Variants in SHROOM3 observed in about 807,000 individuals in gnomAD.
The protein encoded by SHROOM3 is protein Shroom3.
In SHROOM3, 47 loss-of-function variants were observed where a neutral mutation model predicts 138.6. The ratio of observed to expected loss-of-function variants is 0.34; its 90% CI spans 0.27 to 0.43. The LOEUF is 0.43. SHROOM3 is among the 20% of genes least tolerant of loss of function. The pLI, the probability that SHROOM3 is intolerant of heterozygous loss-of-function variation, is 1.00. For synonymous variants in SHROOM3, 1,062 were observed against 1,063.3 expected (o/e 1.00, Z 0.02); for missense variants, 2,491 against 2,596.5 (o/e 0.96, Z 0.88).
chr4:76,547,806 T>C (rs1176031386), intron 1 of SHROOM3, among the ~76,000 whole-genome samples: 4 of 152,050 alleles, frequency 2.6e-5, no homozygotes, highest in African/African-American at 9.7e-5. Context: ...AGCGTGCGCC[T>C]ATAGTCCCAG....
Position 76,739,103 on chromosome 4 carries a change from C to G in SHROOM3, c.930C>G (p.Val310=), listed in dbSNP as rs372730468. 2 of 1,614,092 alleles carry G rather than the reference C, an allele frequency of 1.2e-6. No individual in the cohort carries two copies. The highest frequency in any genetic ancestry group is 1.7e-6 in the Non-Finnish European group (2 of 1,180,038). The change falls in exon 5 of 11, where the codon GTC becomes GTG. Residue 310 remains valine, a synonymous_variant. Transcript: ENST00000296043. ...CAGATATTCGCTATGTCAAGACAGT[C>G]TATGACACCCGGAGGGGAGTCTCAG... The part of the protein sequence containing the change: ...RQADIRYVKT[V]YDTRRGVSAE...
intron 10 of SHROOM3, among the ~76,000 whole-genome samples, chr4:76,771,314 G>C (rs949871972): frequency 1.3e-5 from 2 of 151,540 alleles, no homozygotes; most frequent in African/African-American, 4.9e-5. Flanking sequence ...GGAGGCAGAG[G>C]TTGCAGTGAG....
intron 5 of SHROOM3, chr4:76,742,276 C>T (rs1721288678): frequency 5.8e-6 from 2 of 342,162 alleles, no homozygotes; most frequent in African/African-American, 4.3e-5. Flanking sequence ...GGATTAGAGT[C>T]TGGGTCTGAG....
At chr4:76,759,033 G>C (rs1387748371) in intron 8 of SHROOM3, among the ~76,000 whole-genome samples, 2 of 152,110 alleles carry the variant, frequency 1.3e-5, no homozygotes. Flanking sequence ...GGATTATATG[G>C]GATAGCAGGC....
At chr4:76,441,934 C>G (rs1730699749) in intron 1 of SHROOM3, among the ~76,000 whole-genome samples, 1 of 152,150 alleles carries the variant, frequency 6.6e-6, no homozygotes, top group African/African-American at 2.4e-5. Flanking sequence ...GTTGGTGAGG[C>G]TGGTCTCAAG....
At position 76,779,937 on chromosome 4, in the gene SHROOM3, G is replaced by A. The variant is rs1252641806; in HGVS notation, c.*760G>A. On this transcript the variant is annotated 3_prime_UTR_variant, in exon 11 of 11. Transcript: ENST00000296043. ...ACCTTCCCCAGGAGGAAGGCCTCAT[G>A]CACTGCGGTTATTGCATCATTTCCT... 5 of 152,592 alleles carry A rather than the reference G, an allele frequency of 3.3e-5. No homozygotes were observed. The highest frequency in any genetic ancestry group is 3.3e-4 in the Admixed American group (5 of 15,294). The allele number at this position is 152,592 out of a possible 1,614,324, so 9.5% of individuals were successfully genotyped here.
intron 2 of SHROOM3, among the ~76,000 whole-genome samples, chr4:76,702,400 G>A (rs1325526819): frequency 1.3e-5 from 2 of 152,080 alleles, no homozygotes; most frequent in East Asian, 1.9e-4. Context: ...TCAGTTCTAC[G>A]GGTAAAAATT....
intron 1 of SHROOM3, among the ~76,000 whole-genome samples, chr4:76,544,852 A>T (rs1342036017): frequency 6.6e-6 from 1 of 152,210 alleles, no homozygotes; most frequent in Non-Finnish European, 1.5e-5. Flanking sequence ...AAACTGCAGA[A>T]TCTGTTAGAG....
At chr4:76,478,700 G>C (rs1048659765) in intron 1 of SHROOM3, among the ~76,000 whole-genome samples, 1 of 152,186 alleles carries the variant, frequency 6.6e-6, no homozygotes, top group Non-Finnish European at 1.5e-5. Context: ...CCTCCCAGTA[G>C]GGGATGACAG....
chr4:76,472,699 CTT>C (rs11349509), intron 1 of SHROOM3, among the ~76,000 whole-genome samples: 79 of 147,288 alleles, frequency 5.4e-4, no homozygotes, highest in Admixed American at 1.3e-3. Flanking sequence ...TTCTTTCTTT[CTT>C]TTTTTTTTTT....
At chr4:76,510,887 A>G (rs4604077) in intron 1 of SHROOM3, among the ~76,000 whole-genome samples, 1 of 151,894 alleles carries the variant, frequency 6.6e-6, no homozygotes, top group Non-Finnish European at 1.5e-5. Context: ...TGGCTCTAAA[A>G]TGTTCATTTC....
chr4:76,517,518 TG>T (rs1732468003), intron 1 of SHROOM3, among the ~76,000 whole-genome samples: 1 of 152,066 alleles, frequency 6.6e-6, no homozygotes, highest in African/African-American at 2.4e-5. Context: ...TTTTTTGACA[TG>T]ATGTGCTAGA....
intron 1 of SHROOM3, among the ~76,000 whole-genome samples, chr4:76,485,616 G>T (rs975236213): frequency 2.6e-5 from 4 of 152,110 alleles, no homozygotes; most frequent in African/African-American, 9.7e-5. Flanking sequence ...ACTATTAAAG[G>T]CAGCGCCTTT....
intron 1 of SHROOM3, among the ~76,000 whole-genome samples, chr4:76,476,091 G>A (rs1397052822): frequency 6.6e-6 from 1 of 152,232 alleles, no homozygotes; most frequent in Non-Finnish European, 1.5e-5. Flanking sequence ...AACACAATGT[G>A]AGGGCAATTG....
chr4:76,483,333 G>A (rs938135005), intron 1 of SHROOM3, among the ~76,000 whole-genome samples: 33 of 152,176 alleles, frequency 2.2e-4, no homozygotes, highest in Middle Eastern at 6.8e-3. Flanking sequence ...AAAAGTGAGC[G>A]AAGCATATGA....
chr4:76,774,937 CATTTT>C (rs757084810), intron 10 of SHROOM3, among the ~76,000 whole-genome samples: 1 of 151,776 alleles, frequency 6.6e-6, no homozygotes, highest in Non-Finnish European at 1.5e-5. Flanking sequence ...GATTGATTTT[CATTTT>C]AATTTTCCAC....
chr4:76,646,247 T>TATATATATATATATATATATATATATAA (rs1355216659), intron 2 of SHROOM3, among the ~76,000 whole-genome samples: 7 of 140,630 alleles, frequency 5.0e-5, no homozygotes, highest in Non-Finnish European at 7.8e-5. Flanking sequence ...TATATATATA[T>TATATATATATATATATATATATATATAA]AAAATTAAAA....
At chr4:76,731,792 AAAC>A (rs1720895029) in intron 4 of SHROOM3, among the ~76,000 whole-genome samples, 9 of 91,792 alleles carry the variant, frequency 9.8e-5, no homozygotes, top group African/African-American at 9.8e-5. Flanking sequence ...AAAAAAAAAC[AAAC>A]AAACAAACAA....
chr4:76,719,202 T>A (rs896795214), intron 3 of SHROOM3, among the ~76,000 whole-genome samples: 1 of 152,242 alleles, frequency 6.6e-6, no homozygotes, highest in African/African-American at 2.4e-5. Flanking sequence ...CATGACAGTC[T>A]TGGGGGTGTT....
Sources: gnomAD v4.1 joint callset for allele counts (sites outside exome capture counted in the v4.1 genomes callset) on GRCh38, gnomAD v4.1.1 for gene constraint, MANE v1.5 for transcripts, NCBI Gene and HGNC (gene_info 2026-07-23, HGNC 2026-07-21) for gene names.